The following SEMA3E variants were observed in gnomAD, a reference collection of about 807,000 sequenced individuals.
SEMA3E encodes the protein semaphorin 3E, also known as semaphorin-3E.
A neutral mutation model predicts 93.6 loss-of-function variants in SEMA3E; 49 were observed. The ratio of observed to expected loss-of-function variants is 0.52; its 90% CI spans 0.42 to 0.66. The LOEUF is 0.66. Among genes scored for constraint, SEMA3E ranks in the 30% least tolerant of loss-of-function variants. The pLI is 0.00. For synonymous variants in SEMA3E, 363 were observed against 330.7 expected, an observed-to-expected ratio of 1.10 and a Z score of -1.06; for missense variants, 906 against 964.8, an observed-to-expected ratio of 0.94 and a Z score of 0.81.
intron 1 of SEMA3E, among the ~76,000 whole-genome samples, chr7:83,534,671 G>A (rs1346969569): frequency 6.6e-6 from 1 of 152,102 alleles, no homozygotes. Context: ...TATAAATAAA[G>A]TTGTATTGAT....
chr7:83,518,311 A>G (rs1790975003), intron 1 of SEMA3E, among the ~76,000 whole-genome samples: 1 of 151,902 alleles, frequency 6.6e-6, no homozygotes, highest in Non-Finnish European at 1.5e-5. Flanking sequence ...TGTGTTCATT[A>G]GCTCAGAAAA....
At chr7:83,634,473 A>C (rs1793844504) in intron 1 of SEMA3E, among the ~76,000 whole-genome samples, 1 of 152,146 alleles carries the variant, frequency 6.6e-6, no homozygotes. Context: ...GCAAGCAAAA[A>C]ACATTTGGCA....
At chr7:83,420,525 A>G (rs1419363297) in intron 4 of SEMA3E, among the ~76,000 whole-genome samples, 1 of 152,134 alleles carries the variant, frequency 6.6e-6, no homozygotes, top group Non-Finnish European at 1.5e-5. Context: ...AACAACAACA[A>G]CAAAAACAAA....
At chr7:83,467,683 C>A (rs1435346559) in intron 3 of SEMA3E, among the ~76,000 whole-genome samples, 1 of 152,142 alleles carries the variant, frequency 6.6e-6, no homozygotes, top group Non-Finnish European at 1.5e-5. Context: ...TCAAATAAAA[C>A]TTTATTTACA....
rs151092517 is a variant in SEMA3E, at chr7:83,566,563, G to A, written c.116-76289C>T. Among the ~76,000 whole-genome samples, 446 of 152,076 alleles carry A rather than the reference G, an allele frequency of 2.9e-3. 3 individuals carry two copies. Among genetic ancestry groups the A allele is most frequent in the African/African-American group, 0.01 (418 of 41,480 alleles). On this transcript the variant is annotated intron_variant, in intron 1 of 16. Coordinates refer to ENST00000643230, the MANE Select transcript of SEMA3E (RefSeq NM_012431.3). ...GTAGTGAAATACTTGTTTACTTTCA[G>A]CCTGTAGGTCCAAAACAATCTCATG...
intron 1 of SEMA3E, among the ~76,000 whole-genome samples, chr7:83,630,983 T>C (rs1477981511): frequency 2.0e-5 from 3 of 152,154 alleles, no homozygotes; most frequent in Non-Finnish European, 4.4e-5. Context: ...TTATGTGCCT[T>C]TTTTTAAGAA....
chr7:83,577,634 T>C (rs994745293), intron 1 of SEMA3E, among the ~76,000 whole-genome samples: 4 of 152,166 alleles, frequency 2.6e-5, no homozygotes, highest in African/African-American at 7.2e-5. Context: ...CTGGATGCAA[T>C]TGATATTGAC....
At chr7:83,575,773 C>A (rs1584341504) in intron 1 of SEMA3E, among the ~76,000 whole-genome samples, 1 of 152,224 alleles carries the variant, frequency 6.6e-6, no homozygotes, top group African/African-American at 2.4e-5. Flanking sequence ...TATATCTTAA[C>A]ATTTTTATTG....
chr7:83,599,759 A>G (rs1050652659), intron 1 of SEMA3E, among the ~76,000 whole-genome samples: 1 of 152,192 alleles, frequency 6.6e-6, no homozygotes, highest in African/African-American at 2.4e-5. Context: ...TGTTCCAACC[A>G]TGTTTTACAC....
chr7:83,464,924 A>T (rs1789717942), intron 4 of SEMA3E, among the ~76,000 whole-genome samples: 1 of 151,666 alleles, frequency 6.6e-6, no homozygotes, highest in South Asian at 2.1e-4. Flanking sequence ...TTATTAATAT[A>T]AGAAGGCAGG....
chr7:83,449,440 A>G (rs1272301597), intron 4 of SEMA3E, among the ~76,000 whole-genome samples: 1 of 151,928 alleles, frequency 6.6e-6, no homozygotes, highest in Non-Finnish European at 1.5e-5. Context: ...TATGCTTAAA[A>G]TATTTTATAT....
intron 1 of SEMA3E, among the ~76,000 whole-genome samples, chr7:83,638,667 A>C (rs536299): frequency 0.72 from 109,065 of 151,982 alleles, 39,787 homozygotes; most frequent in African/African-American, 0.85. Context: ...ACATTCAACA[A>C]CACCCTTAAC....
intron 9 of SEMA3E, among the ~76,000 whole-genome samples, chr7:83,403,521 A>C (rs529035548): frequency 6.6e-6 from 1 of 152,152 alleles, no homozygotes; most frequent in African/African-American, 2.4e-5. Flanking sequence ...ATCAGATTCT[A>C]CAAAAGGACA....
chr7:83,413,935 A>C (rs2713155), intron 5 of SEMA3E, among the ~76,000 whole-genome samples: 143,810 of 152,210 alleles, frequency 0.94, 68,085 homozygotes, highest in Non-Finnish European at 0.98. Flanking sequence ...CTTTTTTCTT[A>C]GTCCTTTACC....
intron 1 of SEMA3E, among the ~76,000 whole-genome samples, chr7:83,610,115 A>G (rs1474876250): frequency 6.6e-6 from 1 of 152,092 alleles, no homozygotes; most frequent in African/African-American, 2.4e-5. Context: ...GACTTTATTA[A>G]GAATATAAGA....
chr7:83,390,072 C>CGTATATGT (rs1562758516), intron 14 of SEMA3E, among the ~76,000 whole-genome samples: 60 of 70,312 alleles, frequency 8.5e-4, no homozygotes, highest in African/African-American at 2.4e-3. Flanking sequence ...CATATATGCG[C>CGTATATGT]GTATACGTGT....
intron 4 of SEMA3E, among the ~76,000 whole-genome samples, chr7:83,451,889 A>G (rs1350976362): frequency 6.6e-6 from 1 of 152,216 alleles, no homozygotes; most frequent in African/African-American, 2.4e-5. Context: ...ACGTCTGATC[A>G]AACTAAAGAG....
chr7:83,364,671 T>C lies in SEMA3E; in HGVS notation c.*2915A>G, dbSNP rs1011737361. The C allele has an allele frequency of 3.7e-4, 56 of 152,230 alleles. No individual in the cohort carries two copies. Among genetic ancestry groups the C allele is most frequent in the African/African-American group, 1.4e-3 (56 of 41,462 alleles). The allele number at this position is 152,230 out of a possible 1,614,324, so 9.4% of individuals were successfully genotyped here. The stretch of plus-strand genomic sequence containing the variant: ...AGGAGGAGGTGAATGGGCATTGTTT[T>C]ATGTCAAAACTAAGTCTATCCACAG... On this transcript the variant is annotated 3_prime_UTR_variant, in exon 17 of 17. Transcript: ENST00000643230.
rs544385920 is a variant in SEMA3E, at chr7:83,614,272, A to G, written c.115+34156T>C. ...AAATTCAGGACGTAAACAGCCAGAC[A>G]GATTTTATTCCCCGTTCAGCACTAT... is the stretch of plus-strand genomic sequence containing the variant. On this transcript the variant is annotated intron_variant, in intron 1 of 16. Transcript: ENST00000643230. 2.6e-5 allele frequency among the ~76,000 whole-genome samples: 4 copies of G among 152,170 alleles called. 1 individual carries two copies. The South Asian group carries it at 8.3e-4, about 32-fold the overall frequency.
Sources: gnomAD v4.1 joint callset for allele counts (sites outside exome capture counted in the v4.1 genomes callset) on GRCh38, gnomAD v4.1.1 for gene constraint, MANE v1.5 for transcripts, NCBI Gene and HGNC (gene_info 2026-07-23, HGNC 2026-07-21) for gene names.